The following LIN28B variants were observed in gnomAD, a reference collection of about 807,000 sequenced individuals.
The protein encoded by LIN28B is protein lin-28 homolog B.
Under a neutral mutation model 21.9 loss-of-function variants are expected in LIN28B, and 5 were observed. That is an observed-to-expected ratio of 0.23 (90% CI 0.12 to 0.48). LIN28B has a LOEUF of 0.48. Ranked by LOEUF, LIN28B falls within the 20% of genes least tolerant of loss-of-function variation. The pLI, the probability that LIN28B is intolerant of heterozygous loss-of-function variation, is 0.98. For missense variants in LIN28B, 245 were observed against 310.5 expected, an observed-to-expected ratio of 0.79 and a Z score of 1.58; for synonymous variants, 109 against 111.3, an observed-to-expected ratio of 0.98 and a Z score of 0.13.
chr6:104,967,149 AATTCATATGC>A lies in LIN28B; in HGVS notation c.198+8867_198+8876del, dbSNP rs577951162. On this transcript the variant is annotated intron_variant, in intron 2 of 3. Transcript: ENST00000345080. Reference sequence around the variant, plus strand: ...AGTGTCTGTGCTTGTTAATGAGATTAATTCATATGCATTTTACTAATCTTCAATATAATAT... The same window carrying A: ...AGTGTCTGTGCTTGTTAATGAGATTAATTTTACTAATCTTCAATATAATAT... Among the ~76,000 whole-genome samples, 52 of 152,188 alleles carry A rather than the reference AATTCATATGC, an allele frequency of 3.4e-4. 1 individual carries two copies. The East Asian group carries it at 9.9e-3, about 29-fold the overall frequency.
intron 3 of LIN28B, among the ~76,000 whole-genome samples, chr6:105,031,360 C>T (rs1388827541): frequency 6.6e-6 from 1 of 151,852 alleles, no homozygotes; most frequent in Non-Finnish European, 1.5e-5. Flanking sequence ...ACCTTATGGC[C>T]TACAAAATGT....
intron 2 of LIN28B, among the ~76,000 whole-genome samples, chr6:104,993,758 C>T (rs1770541895): frequency 6.6e-6 from 1 of 150,686 alleles, no homozygotes; most frequent in Non-Finnish European, 1.5e-5. Context: ...TCCCTTTAAC[C>T]TGGGAGACGG....
intron 2 of LIN28B, among the ~76,000 whole-genome samples, chr6:104,965,329 C>T (rs935979650): frequency 2.0e-5 from 3 of 152,044 alleles, no homozygotes; most frequent in African/African-American, 7.2e-5. Context: ...AGTTTTAGAC[C>T]AGCCTGGGTA....
intron 3 of LIN28B, among the ~76,000 whole-genome samples, chr6:105,052,818 T>A (rs926319057): frequency 2.6e-5 from 4 of 152,174 alleles, no homozygotes; most frequent in African/African-American, 7.2e-5. Flanking sequence ...ATTCATTTTT[T>A]AAAAATCCTT....
intron 2 of LIN28B, among the ~76,000 whole-genome samples, chr6:104,985,509 C>G (rs1256521603): frequency 6.6e-6 from 1 of 152,090 alleles, no homozygotes; most frequent in Non-Finnish European, 1.5e-5. Context: ...TAGTACATAT[C>G]TTGATATGAT....
chr6:104,992,529 A>G (rs542108562), intron 2 of LIN28B, among the ~76,000 whole-genome samples: 1 of 148,212 alleles, frequency 6.7e-6, no homozygotes, highest in South Asian at 2.1e-4. Context: ...TTTTTTAAAC[A>G]GGGTCTCACT....
chr6:105,050,287 C>G (rs1465324106), intron 3 of LIN28B, among the ~76,000 whole-genome samples: 4 of 152,084 alleles, frequency 2.6e-5, no homozygotes, highest in Admixed American at 2.0e-4. Flanking sequence ...ATATGAAATT[C>G]TGGGTTGAAA....
chr6:105,027,247 A>G (rs1305923641), intron 3 of LIN28B, among the ~76,000 whole-genome samples: 1 of 152,038 alleles, frequency 6.6e-6, no homozygotes, highest in African/African-American at 2.4e-5. Context: ...GTTCTAAACT[A>G]CTCTCCAGAA....
intron 2 of LIN28B, among the ~76,000 whole-genome samples, chr6:104,949,747 A>G (rs1262699254): frequency 6.6e-6 from 1 of 152,176 alleles, no homozygotes; most frequent in Non-Finnish European, 1.5e-5. Context: ...TCCAATCACT[A>G]TACTTGATTA....
At chr6:104,958,949 C>G (rs1316226000) in intron 2 of LIN28B, among the ~76,000 whole-genome samples, 1 of 152,052 alleles carries the variant, frequency 6.6e-6, no homozygotes, top group Non-Finnish European at 1.5e-5. Flanking sequence ...AGACTGAACT[C>G]AAAAAAACAT....
intron 1 of LIN28B, 63 bp downstream of exon 1, chr6:104,957,323 C>T (rs1778304355): frequency 2.6e-6 from 3 of 1,138,888 alleles, no homozygotes; most frequent in Admixed American, 2.1e-5. Flanking sequence ...CCCCCTCCCC[C>T]TCTCCCACCC....
chr6:105,015,639 A>G (rs1171236054), intron 2 of LIN28B, among the ~76,000 whole-genome samples: 1 of 152,110 alleles, frequency 6.6e-6, no homozygotes, highest in East Asian at 1.9e-4. Flanking sequence ...TTAATATGAT[A>G]TTTTTAAAAT....
rs1221780669 is a variant in LIN28B at position 105,082,773 on chromosome 6, C to T, written c.*3990C>T. On this transcript the variant is annotated 3_prime_UTR_variant, in exon 4 of 4. Transcript: ENST00000345080. ...AAATTTTATATTTGGAACAAAGCTG[C>T]AAGTTATGGTAAAGTACTGTACTGT... is the stretch of plus-strand genomic sequence containing the variant. The T allele has an allele frequency of 6.6e-6, 1 of 152,552 alleles. No homozygotes were observed. Among genetic ancestry groups the T allele is most frequent in the Non-Finnish European group, 1.5e-5 (1 of 68,038 alleles). The allele number at this position is 152,552 out of a possible 1,614,324, so 9.4% of individuals were successfully genotyped here.
At chr6:104,978,877 T>C (rs1446433818) in intron 2 of LIN28B, among the ~76,000 whole-genome samples, 2 of 152,226 alleles carry the variant, frequency 1.3e-5, no homozygotes, top group African/African-American at 4.8e-5. Flanking sequence ...ACCCCCAATA[T>C]AAGGGGCTTA....
At chr6:104,982,718 A>G (rs530849775) in intron 2 of LIN28B, among the ~76,000 whole-genome samples, 3 of 152,338 alleles carry the variant, frequency 2.0e-5, no homozygotes, top group Admixed American at 6.5e-5. Flanking sequence ...ATATTAATCA[A>G]TATTAACACC....
intron 2 of LIN28B, among the ~76,000 whole-genome samples, chr6:105,013,521 T>G (rs1240342794): frequency 6.6e-6 from 1 of 151,856 alleles, no homozygotes; most frequent in African/African-American, 2.4e-5. Context: ...GAGGATTGCT[T>G]GAGCCCAGGA....
At chr6:105,068,453 ATTAGT>A (rs1772263559) in intron 3 of LIN28B, among the ~76,000 whole-genome samples, 2 of 152,216 alleles carry the variant, frequency 1.3e-5, no homozygotes, top group Non-Finnish European at 2.9e-5. Context: ...TTTTTTAAAA[ATTAGT>A]TAAGTTGGTC....
At chr6:105,062,885 CTA>C (rs1189406818) in intron 3 of LIN28B, among the ~76,000 whole-genome samples, 4 of 151,524 alleles carry the variant, frequency 2.6e-5, no homozygotes, top group Admixed American at 2.0e-4. Flanking sequence ...TTTTTCATTT[CTA>C]TGTTATTTCC....
At chr6:104,952,678 A>G (rs558842008), upstream of LIN28B, among the ~76,000 whole-genome samples, 2 of 152,332 alleles carry the variant, frequency 1.3e-5, no homozygotes, top group South Asian at 2.1e-4. Flanking sequence ...TGAAATGTAA[A>G]GGGAAATTTT....
Sources: gnomAD v4.1 joint callset for allele counts (sites outside exome capture counted in the v4.1 genomes callset) on GRCh38, gnomAD v4.1.1 for gene constraint, MANE v1.5 for transcripts, NCBI Gene and HGNC (gene_info 2026-07-23, HGNC 2026-07-21) for gene names.